Variants in PRKCE observed in about 807,000 individuals in gnomAD.
PRKCE encodes protein kinase C epsilon, also known as protein kinase C epsilon type.
PRKCE carries 16 observed loss-of-function variants against 85.4 expected under a neutral mutation model. That is an observed-to-expected ratio of 0.19 (90% CI 0.13 to 0.28). The LOEUF is 0.28. Ranked by LOEUF, PRKCE falls within the 10% of genes least tolerant of loss-of-function variation. The pLI is 1.00. For missense variants in PRKCE, 573 were observed against 975.2 expected (o/e 0.59, Z 5.49); for synonymous variants, 388 against 371.5 (o/e 1.04, Z -0.51).
intron 1 of PRKCE, among the ~76,000 whole-genome samples, chr2:45,732,993 T>C (rs1017717822): frequency 2.6e-5 from 4 of 152,246 alleles, no homozygotes; most frequent in African/African-American, 9.6e-5. Context: ...ACAGAGTCTC[T>C]GCGAAAACAA....
chr2:46,017,188 T>C (rs1706240413), intron 10 of PRKCE, among the ~76,000 whole-genome samples: 1 of 152,104 alleles, frequency 6.6e-6, no homozygotes, highest in African/African-American at 2.4e-5. Context: ...ACCCTGAAAC[T>C]CAATACCCAT....
At chr2:46,037,335 T>A (rs1276121583) in intron 10 of PRKCE, among the ~76,000 whole-genome samples, 1 of 152,230 alleles carries the variant, frequency 6.6e-6, no homozygotes, top group African/African-American at 2.4e-5. Context: ...GTCAGGCCTA[T>A]CTGCAAGCAA....
chr2:46,079,279 G>C (rs141049048), intron 10 of PRKCE, among the ~76,000 whole-genome samples: 196 of 152,160 alleles, frequency 1.3e-3, no homozygotes, highest in African/African-American at 4.5e-3. Context: ...TATTCTCTAG[G>C]GGGTGCTAAG....
Position 45,803,291 on chromosome 2 carries a change from C to T in PRKCE, c.349-39709C>T, listed in dbSNP as rs117919735. Among the ~76,000 whole-genome samples, 21 of 152,268 alleles carry T rather than the reference C, an allele frequency of 1.4e-4. No individual in the cohort carries two copies. In the East Asian group the frequency reaches 3.1e-3, roughly 22 times the overall value. ...TTTTAGCCGTGACCATTTCACACCA[C>T]GAAATAATACACTGAAATTAAGTCC... On this transcript the variant is annotated intron_variant, in intron 1 of 14. Transcript: ENST00000306156.
At chr2:45,877,911 C>G (rs1694597554) in intron 2 of PRKCE, among the ~76,000 whole-genome samples, 1 of 152,226 alleles carries the variant, frequency 6.6e-6, no homozygotes, top group Non-Finnish European at 1.5e-5. Context: ...AGAACAGGAA[C>G]TTCACCGAAT....
At chr2:46,049,071 C>T (rs1708699435) in intron 10 of PRKCE, among the ~76,000 whole-genome samples, 1 of 152,068 alleles carries the variant, frequency 6.6e-6, no homozygotes. Context: ...CTTGGAGTCC[C>T]GTGATGTCTC....
intron 11 of PRKCE, among the ~76,000 whole-genome samples, chr2:46,136,783 G>A (rs1675047771): frequency 6.6e-6 from 1 of 152,136 alleles, no homozygotes. Flanking sequence ...GTGTTTCCGT[G>A]CACAGTGTCA....
intron 1 of PRKCE, among the ~76,000 whole-genome samples, chr2:45,698,966 A>C (rs1047804354): frequency 6.6e-6 from 1 of 152,198 alleles, no homozygotes; most frequent in Non-Finnish European, 1.5e-5. Flanking sequence ...AGGAGTGGTA[A>C]GAGATTACAT....
intron 1 of PRKCE, among the ~76,000 whole-genome samples, chr2:45,812,850 A>T (rs1394798685): frequency 6.6e-6 from 1 of 152,184 alleles, no homozygotes; most frequent in Non-Finnish European, 1.5e-5. Flanking sequence ...TTGAGGAAAG[A>T]CTCATGTGAA....
chr2:45,705,620 G>A (rs1679052991), intron 1 of PRKCE, among the ~76,000 whole-genome samples: 1 of 152,166 alleles, frequency 6.6e-6, no homozygotes, highest in African/African-American at 2.4e-5. Flanking sequence ...TCCACGCTTT[G>A]GCTTCTAGAG....
intron 1 of PRKCE, among the ~76,000 whole-genome samples, chr2:45,762,622 A>G (rs1684597138): frequency 6.6e-6 from 1 of 152,250 alleles, no homozygotes; most frequent in Non-Finnish European, 1.5e-5. Context: ...TAAAAGATAC[A>G]TGGAGAGTGA....
intron 1 of PRKCE, among the ~76,000 whole-genome samples, chr2:45,772,284 A>C (rs927333213): frequency 3.4e-4 from 52 of 152,076 alleles, no homozygotes; most frequent in African/African-American, 1.2e-3. Context: ...AAAATAAAAA[A>C]AAAAAAAGCC....
chr2:45,667,849 G>A (rs1421365358), intron 1 of PRKCE, among the ~76,000 whole-genome samples: 1 of 152,006 alleles, frequency 6.6e-6, no homozygotes, highest in Admixed American at 6.5e-5. Context: ...GGAACCAAGT[G>A]GCACTGTGGT....
intron 12 of PRKCE, among the ~76,000 whole-genome samples, chr2:46,150,234 A>G (rs1265946792): frequency 6.6e-6 from 1 of 152,228 alleles, no homozygotes; most frequent in African/African-American, 2.4e-5. Flanking sequence ...TGGCTAGAGG[A>G]AAAAGAGAGA....
intron 2 of PRKCE, among the ~76,000 whole-genome samples, chr2:45,944,891 C>A (rs1272243528): frequency 2.6e-5 from 4 of 152,130 alleles, no homozygotes; most frequent in African/African-American, 9.7e-5. Context: ...CCCTTTGAAA[C>A]CATTTTGCAA....
At chr2:45,842,890 A>T in intron 1 of PRKCE, 110 bp from the exon 2 acceptor site, 1 of 972,542 alleles carries the variant, frequency 1.0e-6, no homozygotes, top group Non-Finnish European at 1.6e-6. Flanking sequence ...TTGGTGAATT[A>T]CATGGAGCTG....
chr2:45,884,938 T>C (rs1695134563), intron 2 of PRKCE, among the ~76,000 whole-genome samples: 1 of 137,126 alleles, frequency 7.3e-6, no homozygotes, highest in South Asian at 2.3e-4. Flanking sequence ...CTGCGTGTGA[T>C]CTGTTATATG....
At chr2:45,670,000 G>A (rs1399478760) in intron 1 of PRKCE, among the ~76,000 whole-genome samples, 1 of 152,122 alleles carries the variant, frequency 6.6e-6, no homozygotes, top group Non-Finnish European at 1.5e-5. Context: ...AACAGAGTGA[G>A]ACTCAGTCTC....
intron 10 of PRKCE, among the ~76,000 whole-genome samples, chr2:46,064,498 A>G (rs111534574): frequency 2.0e-5 from 3 of 152,204 alleles, no homozygotes; most frequent in African/African-American, 7.2e-5. Context: ...TAGAAAGGAC[A>G]GTCTTGGCAA....
Sources: gnomAD v4.1 joint callset for allele counts (sites outside exome capture counted in the v4.1 genomes callset) on GRCh38, gnomAD v4.1.1 for gene constraint, MANE v1.5 for transcripts, NCBI Gene and HGNC (gene_info 2026-07-23, HGNC 2026-07-21) for gene names.